ARHGAP15: variants seen among roughly 807,000 people sequenced by gnomAD.
The protein encoded by ARHGAP15 is rho GTPase-activating protein 15.
In ARHGAP15, 51 loss-of-function variants were observed where a neutral mutation model predicts 63.7. The ratio of observed to expected loss-of-function variants is 0.80; its 90% CI spans 0.64 to 1.01. The LOEUF is 1.01. Among genes scored for constraint, ARHGAP15 ranks in the 50% least tolerant of loss-of-function variants. The pLI, the probability that ARHGAP15 is intolerant of heterozygous loss-of-function variation, is 0.00. For synonymous variants in ARHGAP15, 191 were observed against 193.8 expected (o/e 0.99, Z 0.12); for missense variants, 560 against 564.6 (o/e 0.99, Z 0.08).
chr2:143,238,055 C>A (rs1450561106), intron 5 of ARHGAP15: 1 of 151,846 alleles, frequency 6.6e-6, no homozygotes, highest in African/African-American at 2.4e-5. Context: ...ATATGGTTAC[C>A]CAGTTCCCCA....
At chr2:143,202,535 CT>C (rs956012059) in intron 3 of ARHGAP15, among the ~76,000 whole-genome samples, 1 of 152,018 alleles carries the variant, frequency 6.6e-6, no homozygotes, top group Admixed American at 6.6e-5. Context: ...TAACAGCTTG[CT>C]TTTTCAAAGC....
intron 5 of ARHGAP15, 150 bp downstream of exon 5, chr2:143,228,818 A>T (rs1693325726): frequency 5.5e-6 from 3 of 542,126 alleles, no homozygotes; most frequent in East Asian, 6.4e-5. Flanking sequence ...TTTTAATCAG[A>T]TGAAGGGAAA....
chr2:143,413,966 T>TGTGTGTGCGCGC lies in ARHGAP15; in HGVS notation c.475-21634_475-21633insTGTGTGCGCGCG. Among the ~76,000 whole-genome samples, 85 of 117,918 alleles carry TGTGTGTGCGCGC rather than the reference T, an allele frequency of 7.2e-4. 1 individual carries two copies. The highest frequency in any genetic ancestry group is 2.9e-3 in the African/African-American group (82 of 28,240). 77.4% of individuals were successfully genotyped at this position (117,918 alleles called of 152,430 possible). A position where few individuals can be genotyped will look rare whatever the true frequency, so the allele number is the denominator to read the frequency against. On this transcript the variant is annotated intron_variant, in intron 6 of 13. Transcript: ENST00000295095. ...GTGTGTGTGTGTGTGTGTGTGTGTG[T>TGTGTGTGCGCGC]GCGCGCTCTCTGGCAGAAAGTTAAT...
At chr2:143,757,745 T>C (rs1257431225) in intron 13 of ARHGAP15, among the ~76,000 whole-genome samples, 2 of 152,034 alleles carry the variant, frequency 1.3e-5, no homozygotes, top group Non-Finnish European at 2.9e-5. Context: ...ATATTTACAA[T>C]GAATTAGATG....
rs529610544 is a variant in ARHGAP15, at chr2:143,133,095, T to C, written c.-15+3629T>C. On this transcript the variant is annotated intron_variant, in intron 1 of 13. Transcript: ENST00000295095. ...TCCTGTTATTTGCCGAGCCATAAACTAGAGAATTTTGTAAGTGTTGTATCA... is the reference window on the plus strand; with the variant it reads ...TCCTGTTATTTGCCGAGCCATAAACCAGAGAATTTTGTAAGTGTTGTATCA... Among the ~76,000 whole-genome samples, 4 of 152,306 alleles carry C rather than the reference T, an allele frequency of 2.6e-5. No homozygotes were observed. The East Asian group carries it at 7.7e-4, about 29-fold the overall frequency.
intron 13 of ARHGAP15, among the ~76,000 whole-genome samples, chr2:143,723,628 G>A (rs866606552): frequency 6.6e-5 from 10 of 152,302 alleles, no homozygotes; most frequent in Middle Eastern, 3.4e-3. Context: ...TACTCTTACT[G>A]AGCACCTACT....
At chr2:143,344,484 T>G (rs1259752936) in intron 6 of ARHGAP15, among the ~76,000 whole-genome samples, 1 of 152,114 alleles carries the variant, frequency 6.6e-6, no homozygotes, top group Non-Finnish European at 1.5e-5. Context: ...ACTGAGCTAA[T>G]TTTCTTCAAT....
chr2:143,268,489 G>A (rs779777106), intron 6 of ARHGAP15, among the ~76,000 whole-genome samples: 34 of 152,158 alleles, frequency 2.2e-4, no homozygotes, highest in Admixed American at 1.4e-3. Context: ...GCTGCAAATT[G>A]GAGCAGAACA....
intron 13 of ARHGAP15, among the ~76,000 whole-genome samples, chr2:143,707,038 G>T (rs892373699): frequency 6.6e-6 from 1 of 152,182 alleles, no homozygotes; most frequent in Non-Finnish European, 1.5e-5. Context: ...AGTAGCTGGT[G>T]GTTGAGAGCC....
chr2:143,245,258 G>A (rs1216006043), intron 5 of ARHGAP15, among the ~76,000 whole-genome samples: 1 of 152,128 alleles, frequency 6.6e-6, no homozygotes, highest in East Asian at 1.9e-4. Flanking sequence ...AGTGGGAAGA[G>A]GAAGAGGACT....
chr2:143,600,722 C>A (rs1217507640), intron 11 of ARHGAP15, among the ~76,000 whole-genome samples: 1 of 152,100 alleles, frequency 6.6e-6, no homozygotes, highest in Non-Finnish European at 1.5e-5. Context: ...GTCAGAAAAA[C>A]TGGGCTTTAA....
chr2:143,174,261 G>T (rs975543885), intron 2 of ARHGAP15, among the ~76,000 whole-genome samples: 2 of 152,074 alleles, frequency 1.3e-5, no homozygotes, highest in Non-Finnish European at 2.9e-5. Flanking sequence ...TCAACCAGAA[G>T]TTCTTGTCCC....
chr2:143,746,380 A>C (rs1686165253), intron 13 of ARHGAP15, among the ~76,000 whole-genome samples: 1 of 152,180 alleles, frequency 6.6e-6, no homozygotes, highest in Admixed American at 6.5e-5. Context: ...TTTTCAAAGA[A>C]AGTAAAACAC....
chr2:143,290,772 A>C (rs539708623), intron 6 of ARHGAP15, among the ~76,000 whole-genome samples: 1 of 152,224 alleles, frequency 6.6e-6, no homozygotes, highest in African/African-American at 2.4e-5. Context: ...ATACTTTTTA[A>C]CAGTAAATGG....
chr2:143,633,203 G>A (rs751291420), intron 12 of ARHGAP15, among the ~76,000 whole-genome samples: 13 of 152,086 alleles, frequency 8.5e-5, no homozygotes, highest in Non-Finnish European at 1.0e-4. Flanking sequence ...GTGTGTGCAC[G>A]TGTGCACGCA....
chr2:143,398,816 G>A (rs548580624), intron 6 of ARHGAP15, among the ~76,000 whole-genome samples: 4 of 150,656 alleles, frequency 2.7e-5, no homozygotes, highest in Non-Finnish European at 4.4e-5. Flanking sequence ...TAATTACGGA[G>A]GATTTTTGAC....
intron 8 of ARHGAP15, among the ~76,000 whole-genome samples, chr2:143,485,237 C>T (rs1464483772): frequency 6.6e-6 from 1 of 152,090 alleles, no homozygotes; most frequent in Non-Finnish European, 1.5e-5. Flanking sequence ...TGCTCTCCCT[C>T]CCCTTGCCCC....
At chr2:143,681,401 GGA>G (rs1215302397) in intron 12 of ARHGAP15, among the ~76,000 whole-genome samples, 1 of 152,170 alleles carries the variant, frequency 6.6e-6, no homozygotes, top group Non-Finnish European at 1.5e-5. Flanking sequence ...GGTAAAATGA[GGA>G]GACTGGATTT....
chr2:143,360,879 T>C (rs1375305886), intron 6 of ARHGAP15, among the ~76,000 whole-genome samples: 5 of 152,242 alleles, frequency 3.3e-5, no homozygotes, highest in Non-Finnish European at 7.3e-5. Flanking sequence ...GGGTTCTTAA[T>C]GTTTTATGTT....
Sources: gnomAD v4.1 joint callset for allele counts (sites outside exome capture counted in the v4.1 genomes callset) on GRCh38, gnomAD v4.1.1 for gene constraint, MANE v1.5 for transcripts, NCBI Gene and HGNC (gene_info 2026-07-23, HGNC 2026-07-21) for gene names.